Variants in TLR2 observed in about 807,000 individuals in gnomAD.
TLR2 encodes the protein toll like receptor 2, also known as toll-like receptor 2.
A neutral mutation model predicts 9.1 loss-of-function variants in TLR2; 7 were observed. The ratio of observed to expected loss-of-function variants is 0.77; its 90% CI spans 0.44 to 1.44. The LOEUF is 1.44. Ranked by LOEUF, TLR2 falls within the 40% of genes most tolerant of loss-of-function variation. The probability of loss-of-function intolerance (pLI) is 0.01; values close to 1 mark genes in which losing one functional copy is unlikely to be tolerated. For missense variants in TLR2, 812 were observed against 904.6 expected (o/e 0.90, Z 1.31); for synonymous variants, 317 against 344.6 (o/e 0.92, Z 0.89).
chr4:153,703,014 G>A lies in TLR2; in HGVS notation c.107G>A (p.Cys36Tyr). The change falls in exon 3 of 3, where the codon TGC becomes TAC. Residue 36 changes from cysteine to tyrosine, a missense_variant. Cys to Tyr is a radical substitution (Grantham distance 194). Coordinates refer to ENST00000642700, the MANE Select transcript of TLR2 (RefSeq NM_001318789.2). ...CTGTCTTGTGACCGCAATGGTATCT[G>A]CAAGGGCAGCTCAGGATCTTTAAAC... ...ASLSCDRNGI[C>Y]KGSSGSLNSI... 2 of 1,613,978 alleles carry A rather than the reference G, an allele frequency of 1.2e-6. No homozygotes were observed.
chr4:153,685,583 C>T (rs1735648881), intron 1 of TLR2, among the ~76,000 whole-genome samples: 1 of 152,168 alleles, frequency 6.6e-6, no homozygotes, highest in Non-Finnish European at 1.5e-5. Context: ...GATTTATTCA[C>T]CAATATTTTA....
chr4:153,703,420 T>C lies in TLR2; in HGVS notation c.513T>C (p.Ala171=). 6.2e-7 allele frequency: 1 copy of C among 1,614,138 alleles called. No homozygotes were observed. The highest frequency in any genetic ancestry group is 8.5e-7 in the Non-Finnish European group (1 of 1,180,008). The stretch of plus-strand genomic sequence containing the variant: ...CTAAGATTCAAAGAAAAGATTTTGC[T>C]GGACTTACCTTCCTTGAGGAACTTG... ...TFTKIQRKDF[A]GLTFLEELEI... The change falls in exon 3 of 3, where the codon GCT becomes GCC. Residue 171 remains alanine (A), a synonymous_variant. Transcript: ENST00000642700.
At chr4:153,690,286 C>T (rs938123894) in intron 2 of TLR2, among the ~76,000 whole-genome samples, 1 of 152,204 alleles carries the variant, frequency 6.6e-6, no homozygotes, top group African/African-American at 2.4e-5. Context: ...ATCCCTGTTT[C>T]CCCTTTTTGC....
Position 153,703,242 on chromosome 4 carries a change from T to C in TLR2, c.335T>C (p.Leu112Ser). 2 of 1,613,966 alleles carry C rather than the reference T, an allele frequency of 1.2e-6. No individual in the cohort carries two copies. The highest frequency in any genetic ancestry group is 1.7e-6 in the Non-Finnish European group (2 of 1,179,970). The change falls in exon 3 of 3, where the codon TTA becomes TCA. Residue 112 changes from leucine to serine, a missense_variant. Physicochemically the swap from Leu to Ser is moderately radical, Grantham distance 145. Transcript: ENST00000642700. ...CATTTAGACTTATCCTATAATTACTTATCTAATTTATCGTCTTCCTGGTTC... is the reference window on the plus strand; with the variant it reads ...CATTTAGACTTATCCTATAATTACTCATCTAATTTATCGTCTTCCTGGTTC... The part of the protein sequence containing the change: ...LEHLDLSYNY[L>S]SNLSSSWFKP...
chr4:153,710,184 C>T (rs369397725), downstream of TLR2: 3 of 490,998 alleles, frequency 6.1e-6, no homozygotes, highest in African/African-American at 1.9e-5. Context: ...AAAAAACATG[C>T]TTTATTTGTT....
rs767943819 is a variant in TLR2 at position 153,703,273 on chromosome 4, CCTTT to C, written c.370_373del (p.Ser124LeufsTer2). 1.2e-6 allele frequency: 2 copies of C among 1,612,756 alleles called. No individual in the cohort carries two copies. The highest frequency in any genetic ancestry group is 1.6e-4 in the Middle Eastern group (1 of 6,078). On this transcript the variant is annotated frameshift_variant, in exon 3 of 3. Coordinates refer to ENST00000642700, the MANE Select transcript of TLR2 (RefSeq NM_001318789.2). LOFTEE classifies it low-confidence loss of function (END_TRUNC). ...ATTTATCGTCTTCCTGGTTCAAGCC[CCTTT>C]CTTCTTTAACATTCTTAAACTTACT...
At chr4:153,692,768 G>T (rs939696676) in intron 2 of TLR2, among the ~76,000 whole-genome samples, 10 of 152,094 alleles carry the variant, frequency 6.6e-5, no homozygotes, top group African/African-American at 2.4e-4. Context: ...ATAGTCCCAG[G>T]TTGTCCATTG....
intron 2 of TLR2, among the ~76,000 whole-genome samples, chr4:153,689,969 A>G (rs1735992225): frequency 6.6e-6 from 1 of 152,214 alleles, no homozygotes; most frequent in Non-Finnish European, 1.5e-5. Flanking sequence ...GGTCCTCGGG[A>G]TCCTCCCAGA....
chr4:153,687,281 AAAAT>A (rs1363392877), intron 1 of TLR2, among the ~76,000 whole-genome samples: 3 of 152,200 alleles, frequency 2.0e-5, no homozygotes, highest in African/African-American at 7.2e-5. Context: ...AAGGAATAGT[AAAAT>A]AAATCCAGAG....
chr4:153,688,874 A>G (rs1043525788), intron 2 of TLR2, among the ~76,000 whole-genome samples: 2 of 152,198 alleles, frequency 1.3e-5, no homozygotes, highest in Non-Finnish European at 2.9e-5. Context: ...CTGTTCCCAC[A>G]TGTCCCCCTT....
intron 2 of TLR2, among the ~76,000 whole-genome samples, chr4:153,699,797 A>C (rs1736755943): frequency 6.6e-6 from 1 of 152,250 alleles, no homozygotes. Context: ...TCCACAAACT[A>C]TTAGAATTAC....
intron 2 of TLR2, among the ~76,000 whole-genome samples, chr4:153,690,003 A>G (rs1033663094): frequency 3.3e-5 from 5 of 152,250 alleles, no homozygotes; most frequent in Non-Finnish European, 5.9e-5. Flanking sequence ...CATCTGGCTC[A>G]TGATAAGGTT....
At chr4:153,696,726 G>A (rs1736526531) in intron 2 of TLR2, among the ~76,000 whole-genome samples, 1 of 152,050 alleles carries the variant, frequency 6.6e-6, no homozygotes, top group Non-Finnish European at 1.5e-5. Flanking sequence ...GTTCACAATT[G>A]TTTGCTTTAT....
Position 153,705,142 on chromosome 4 carries a change from TC to T in TLR2, c.2239del (p.Gln747SerfsTer9). The part of the protein sequence containing the change: ...LLEPIEKKAI[P>X]QRFCKLRKIM... ...TGGAGCCCATTGAGAAAAAAGCCAT[TC>T]CCCAGCGCTTCTGCAAGCTGCGGAA... On this transcript the variant is annotated frameshift_variant, in exon 3 of 3. Coordinates refer to ENST00000642700, the MANE Select transcript of TLR2 (RefSeq NM_001318789.2). LOFTEE classifies it high-confidence loss of function. 3 of 1,614,146 alleles carry T rather than the reference TC, an allele frequency of 1.9e-6. No individual in the cohort carries two copies. The highest frequency in any genetic ancestry group is 2.5e-6 in the Non-Finnish European group (3 of 1,180,032).
chr4:153,684,754 G>A (rs1370437361), intron 1 of TLR2, among the ~76,000 whole-genome samples: 4 of 152,178 alleles, frequency 2.6e-5, no homozygotes, highest in South Asian at 4.1e-4. Flanking sequence ...GGGGGTTGCC[G>A]CGGAGAGCTT....
chr4:153,700,279 G>C (rs1381645221), intron 2 of TLR2, among the ~76,000 whole-genome samples: 1 of 152,122 alleles, frequency 6.6e-6, no homozygotes, highest in Non-Finnish European at 1.5e-5. Context: ...ATGAGATTTG[G>C]AGAGGACAAA....
intron 2 of TLR2, among the ~76,000 whole-genome samples, chr4:153,700,545 A>G (rs1327151243): frequency 6.6e-6 from 1 of 152,190 alleles, no homozygotes; most frequent in African/African-American, 2.4e-5. Context: ...TTAAAATCTC[A>G]GTGGACTTTG....
In TLR2 at chr4:153,703,723, T is replaced by G. The variant is rs775337324; in HGVS notation, c.816T>G (p.Leu272=). The change falls in exon 3 of 3, where the codon CTT becomes CTG. Residue 272 remains leucine, a synonymous_variant. Coordinates refer to ENST00000642700, the MANE Select transcript of TLR2 (RefSeq NM_001318789.2). ...TDESLFQVMK[L]LNQISGLLEL... is the part of the protein sequence containing the mutation. ...AAAGTTTGTTTCAGGTTATGAAACTTTTGAATCAGATTTCTGGATTGTTAG... is the reference window on the plus strand; with the variant it reads ...AAAGTTTGTTTCAGGTTATGAAACTGTTGAATCAGATTTCTGGATTGTTAG... The G allele has an allele frequency of 1.2e-6, 2 of 1,613,900 alleles. No individual in the cohort carries two copies. Among genetic ancestry groups the G allele is most frequent in the Non-Finnish European group, 1.7e-6 (2 of 1,179,970 alleles).
At chr4:153,710,315 A>G, downstream of TLR2, 9 of 1,404,780 alleles carry the variant, frequency 6.4e-6, no homozygotes, top group Non-Finnish European at 8.5e-6. Flanking sequence ...TTAATATTAA[A>G]TGTTGGACCA....
Sources: gnomAD v4.1 joint callset for allele counts (sites outside exome capture counted in the v4.1 genomes callset) on GRCh38, gnomAD v4.1.1 for gene constraint, MANE v1.5 for transcripts, NCBI Gene and HGNC (gene_info 2026-07-23, HGNC 2026-07-21) for gene names.